ITGA6: variants seen among roughly 807,000 people sequenced by gnomAD.
ITGA6 encodes integrin alpha-6.
A neutral mutation model predicts 133.6 loss-of-function variants in ITGA6; 63 were observed. That is an observed-to-expected ratio of 0.47 (90% CI 0.38 to 0.58). The LOEUF (loss-of-function observed/expected upper bound fraction) is 0.58, where lower values mean the gene tolerates loss of function less well. ITGA6 is among the 20% of genes least tolerant of loss of function. ITGA6 has a pLI of 0.00. For missense variants in ITGA6, 1,068 were observed against 1,309.4 expected (o/e 0.82, Z 2.85); for synonymous variants, 434 against 482.0 (o/e 0.90, Z 1.30).
intron 1 of ITGA6, among the ~76,000 whole-genome samples, chr2:172,430,997 A>G (rs1684083415): frequency 6.6e-6 from 1 of 152,180 alleles, no homozygotes; most frequent in African/African-American, 2.4e-5. Context: ...AACCTAGAAG[A>G]AGGAGATCTA....
chr2:172,472,902 C>T, intron 5 of ITGA6: 1 of 1,471,848 alleles, frequency 6.8e-7, no homozygotes, highest in Non-Finnish European at 9.5e-7. Context: ...TTTGTGACCT[C>T]TGCGACGACA....
chr2:172,483,048 C>T (rs1455802801), intron 11 of ITGA6, among the ~76,000 whole-genome samples: 10 of 152,220 alleles, frequency 6.6e-5, no homozygotes, highest in East Asian at 3.9e-4. Flanking sequence ...GAAATCACAG[C>T]GTAGTGGGCT....
At chr2:172,483,448 TAGC>T (rs1365234129) in intron 11 of ITGA6, among the ~76,000 whole-genome samples, 5 of 152,216 alleles carry the variant, frequency 3.3e-5, no homozygotes, top group African/African-American at 7.2e-5. Flanking sequence ...GTGTTTTCTG[TAGC>T]AGATTTTTGT....
chr2:172,479,512 G>A (rs538471764), intron 9 of ITGA6, 129 bp from the exon 10 acceptor site: 18 of 784,718 alleles, frequency 2.3e-5, no homozygotes, highest in Non-Finnish European at 3.4e-5. Context: ...GGGGGAAAAC[G>A]TCACGTGTAT....
chr2:172,502,023 G>A lies in ITGA6; in HGVS notation c.*22+122G>A, dbSNP rs1455768288. 1.2e-5 allele frequency: 10 copies of A among 853,430 alleles called. No homozygotes were observed. In the East Asian group the frequency reaches 2.8e-4, roughly 24 times the overall value. 52.9% of individuals were successfully genotyped at this position (853,430 alleles called of 1,614,324 possible). A position where few individuals can be genotyped will look rare whatever the true frequency, so the allele number is the denominator to read the frequency against. On this transcript the variant is annotated intron_variant, in intron 25 of 25. Coordinates refer to ENST00000684293, the MANE Select transcript of ITGA6 (RefSeq NM_000210.4). ...ACAGATGTTTCCAAATGTCCACACTGGCTTGCCTTGCTTGGATTTGTTTTA... is the reference window on the plus strand; with the variant it reads ...ACAGATGTTTCCAAATGTCCACACTAGCTTGCCTTGCTTGGATTTGTTTTA...
intron 25 of ITGA6, 140 bp from the exon 26 acceptor site, chr2:172,503,951 T>C: frequency 1.7e-6 from 1 of 573,364 alleles, no homozygotes; most frequent in South Asian, 5.0e-5. Context: ...CTCTTGGTTC[T>C]TTCTTAAAAG....
chr2:172,457,326 A>AATT (rs1157864746), intron 1 of ITGA6, among the ~76,000 whole-genome samples: 1 of 151,052 alleles, frequency 6.6e-6, no homozygotes, highest in East Asian at 1.9e-4. Flanking sequence ...GAAGCAAAGA[A>AATT]ATTTAGTTCA....
rs78837508 is a variant in ITGA6 at position 172,438,139 on chromosome 2, G to A, written c.182+10169G>A. ...AGGGGAAATAGTGGGTTTTTGTTTC[G>A]TTTTGTTTAAGATGGGAGAAGATTA... On this transcript the variant is annotated intron_variant, in intron 1 of 25. Transcript: ENST00000684293. Among the ~76,000 whole-genome samples, 909 of 151,696 alleles carry A rather than the reference G, an allele frequency of 6.0e-3. 10 individuals carry two copies. Among genetic ancestry groups the A allele is most frequent in the African/African-American group, 0.021 (870 of 41,472 alleles).
At chr2:172,496,331 A>T (rs183650195) in intron 23 of ITGA6, among the ~76,000 whole-genome samples, 284 of 152,342 alleles carry the variant, frequency 1.9e-3, no homozygotes, top group Non-Finnish European at 3.6e-3. Flanking sequence ...ATGGTGGCTG[A>T]TAAAGGTGTT....
At chr2:172,441,977 C>T (rs531777663) in intron 1 of ITGA6, among the ~76,000 whole-genome samples, 10 of 152,284 alleles carry the variant, frequency 6.6e-5, no homozygotes, top group East Asian at 3.9e-4. Context: ...TACGTCGGTT[C>T]GTGTCCCATC....
intron 15 of ITGA6, 27 bp downstream of exon 15, chr2:172,487,480 A>AT (rs1180140056): frequency 6.2e-7 from 1 of 1,611,828 alleles, no homozygotes; most frequent in Non-Finnish European, 8.5e-7. Context: ...ACCAGCTGAG[A>AT]GGGGAAAAAA....
At chr2:172,434,019 C>T (rs1391748817) in intron 1 of ITGA6, among the ~76,000 whole-genome samples, 1 of 152,142 alleles carries the variant, frequency 6.6e-6, no homozygotes, top group African/African-American at 2.4e-5. Flanking sequence ...CCTCTATGAC[C>T]TTGAAAGCAC....
rs1231073982 is a variant in ITGA6, at chr2:172,491,471, T to C, written c.2936T>C (p.Ile979Thr). 1 of 1,613,918 alleles carries C rather than the reference T, an allele frequency of 6.2e-7. No homozygotes were observed. Among genetic ancestry groups the C allele is most frequent in the Non-Finnish European group, 8.5e-7 (1 of 1,180,022 alleles). Residue 979 changes from isoleucine (I) to threonine (T), a missense_variant, in exon 23 of 26, where the codon ATT (isoleucine) becomes ACT (threonine). Around this residue, in one of 3 missense-constraint regions of ITGA6, gnomAD observed 609 missense variants for 707.2 expected, o/e 0.86. Coordinates refer to ENST00000684293, the MANE Select transcript of ITGA6 (RefSeq NM_000210.4). The surrounding 1 kb of genome is among the most constrained non-coding windows in gnomAD (Gnocchi z 4.4). ...NYLDILMRAF[I>T]DVTAAAENIR... is the part of the protein sequence containing the mutation. ...TTGGACATTCTCATGCGAGCCTTCA[T>C]TGATGTGACTGCTGCTGCCGAAAAT... is the stretch of plus-strand genomic sequence containing the variant.
intron 19 of ITGA6, among the ~76,000 whole-genome samples, chr2:172,488,821 C>T (rs1196999028): frequency 6.6e-6 from 1 of 152,148 alleles, no homozygotes. Context: ...GCTGAATTCT[C>T]CTCTGTGTGT....
At position 172,465,659 on chromosome 2, in the gene ITGA6, C is replaced by T. The variant is rs763884633; in HGVS notation, c.303C>T (p.Asn101=). Residue 101 remains asparagine (N), a synonymous_variant, in exon 2 of 26, where the codon AAC becomes AAT. Coordinates refer to ENST00000684293, the MANE Select transcript of ITGA6 (RefSeq NM_000210.4). ...RGPCTRIEFD[N]DADPTSESKE... is the part of the protein sequence containing the mutation. The stretch of plus-strand genomic sequence containing the variant: ...CATGCACGCGGATCGAGTTTGATAA[C>T]GATGGTGCGTTCCTTTCCCTCACTC... 18 of 1,614,058 alleles carry T rather than the reference C, an allele frequency of 1.1e-5. No individual in the cohort carries two copies. Among genetic ancestry groups the T allele is most frequent in the South Asian group, 1.1e-5 (1 of 91,090 alleles).
chr2:172,475,418 G>A (rs992387425), intron 7 of ITGA6, among the ~76,000 whole-genome samples, 179 bp from the exon 8 acceptor site: 1 of 151,984 alleles, frequency 6.6e-6, no homozygotes, highest in African/African-American at 2.4e-5. Flanking sequence ...AGCCAAGATT[G>A]CGCCATTGCA....
intron 11 of ITGA6, among the ~76,000 whole-genome samples, chr2:172,482,835 T>A (rs1188585106): frequency 6.6e-6 from 1 of 151,888 alleles, no homozygotes; most frequent in Non-Finnish European, 1.5e-5. Flanking sequence ...TTGTTCTGAA[T>A]AGCTCACATT....
intron 1 of ITGA6, among the ~76,000 whole-genome samples, chr2:172,457,792 A>C (rs560346011): frequency 6.6e-6 from 1 of 152,336 alleles, no homozygotes; most frequent in Admixed American, 6.5e-5. Flanking sequence ...AATCTGATGC[A>C]AGAAATGATT....
intron 2 of ITGA6, among the ~76,000 whole-genome samples, chr2:172,466,413 A>G (rs1193767859): frequency 6.6e-6 from 1 of 152,158 alleles, no homozygotes; most frequent in Non-Finnish European, 1.5e-5. Flanking sequence ...TGAGGTCAGG[A>G]GTTCAAGACC....
Sources: allele counts gnomAD v4.1 joint callset (sites outside exome capture counted in the v4.1 genomes callset), GRCh38; gene constraint gnomAD v4.1.1; regional missense constraint gnomAD v4.1.1; non-coding constraint Gnocchi (gnomAD v3.1); transcripts MANE v1.5; gene names NCBI Gene and HGNC (gene_info 2026-07-23, HGNC 2026-07-21).